SLC14A2: variants seen among roughly 807,000 people sequenced by gnomAD.
SLC14A2 encodes urea transporter 2.
SLC14A2 carries 91 observed loss-of-function variants against 104.6 expected under a neutral mutation model. The ratio of observed to expected loss-of-function variants is 0.87; its 90% CI spans 0.73 to 1.04. The LOEUF (loss-of-function observed/expected upper bound fraction) is 1.04. SLC14A2 is among the 50% of genes least tolerant of loss of function. SLC14A2 has a pLI of 0.00. For synonymous variants in SLC14A2, 476 were observed against 466.4 expected (o/e 1.02, Z -0.27); for missense variants, 1,189 against 1,156.0 (o/e 1.03, Z -0.41).
At chr18:45,513,226 C>T (rs1393146505) in intron 2 of SLC14A2, among the ~76,000 whole-genome samples, 2 of 152,190 alleles carry the variant, frequency 1.3e-5, no homozygotes. Flanking sequence ...CCAGATTTTA[C>T]TTCTAACTGT....
At chr18:45,237,181 C>T (rs183817361) in intron 1 of SLC14A2, among the ~76,000 whole-genome samples, 15 of 152,194 alleles carry the variant, frequency 9.9e-5, no homozygotes, top group South Asian at 2.1e-4. Flanking sequence ...AACTGGGGCT[C>T]GCCAATAAAC....
At chr18:45,519,199 C>T (rs2043482724) in intron 2 of SLC14A2, among the ~76,000 whole-genome samples, 1 of 152,116 alleles carries the variant, frequency 6.6e-6, no homozygotes, top group South Asian at 2.1e-4. Flanking sequence ...GAGTTATATC[C>T]TTAGGGAAGC....
the SLC14A2 span, among the ~76,000 whole-genome samples, chr18:45,185,930 C>T: frequency 5.9e-5 from 9 of 152,000 alleles, no homozygotes; most frequent in Non-Finnish European, 1.3e-4. Flanking sequence ...GAAAATAAGA[C>T]CAATACAAAG....
chr18:45,567,188 A>G (rs906602312), intron 2 of SLC14A2, among the ~76,000 whole-genome samples: 2 of 151,922 alleles, frequency 1.3e-5, no homozygotes, highest in African/African-American at 4.8e-5. Context: ...TCTGTTTACC[A>G]TTGAAGAGAC....
At chr18:45,469,522 A>G (rs1038082204) in intron 1 of SLC14A2, among the ~76,000 whole-genome samples, 3 of 152,152 alleles carry the variant, frequency 2.0e-5, no homozygotes, top group Admixed American at 2.0e-4. Context: ...CTTTGTACCT[A>G]ATTACGTGTG....
At chr18:45,466,427 G>A (rs2087143685) in intron 1 of SLC14A2, among the ~76,000 whole-genome samples, 1 of 151,736 alleles carries the variant, frequency 6.6e-6, no homozygotes, top group African/African-American at 2.4e-5. Context: ...GAAGGCTGAA[G>A]AATGTGCTAG....
chr18:45,631,301 A>G (rs2045341713), intron 4 of SLC14A2, among the ~76,000 whole-genome samples: 1 of 152,236 alleles, frequency 6.6e-6, no homozygotes, highest in Admixed American at 6.5e-5. Context: ...ACTGACCACA[A>G]GCACACACAG....
intron 1 of SLC14A2, among the ~76,000 whole-genome samples, chr18:45,468,209 G>C (rs2087179712): frequency 6.6e-6 from 1 of 152,128 alleles, no homozygotes; most frequent in Non-Finnish European, 1.5e-5. Flanking sequence ...TCCAGGGGCT[G>C]GTGGGGCTAA....
chr18:45,494,588 G>A (rs1404730679), intron 2 of SLC14A2, among the ~76,000 whole-genome samples: 7 of 151,390 alleles, frequency 4.6e-5, no homozygotes, highest in Non-Finnish European at 8.8e-5. Context: ...TTTAAATAGC[G>A]ACAGGGTCTC....
At chr18:45,387,967 T>C (rs77775601) in intron 1 of SLC14A2, among the ~76,000 whole-genome samples, 1,968 of 151,940 alleles carry the variant, frequency 0.013, 26 homozygotes, top group Non-Finnish European at 0.022. Context: ...GGTCAGGTTA[T>C]GTGCAAAGGA....
intron 9 of SLC14A2, 82 bp downstream of exon 9, chr18:45,643,263 A>G (rs1487731294): frequency 8.1e-7 from 1 of 1,230,072 alleles, no homozygotes. Flanking sequence ...GGTCTGGGAA[A>G]GGAACATTGA....
chr18:45,200,636 T>C, the SLC14A2 span, among the ~76,000 whole-genome samples: 1 of 152,150 alleles, frequency 6.6e-6, no homozygotes. Context: ...TTACTTTGGG[T>C]AAACTCACAG....
chr18:45,319,641 C>T (rs549317199), intron 1 of SLC14A2, among the ~76,000 whole-genome samples: 2 of 152,324 alleles, frequency 1.3e-5, no homozygotes, highest in South Asian at 4.1e-4. Context: ...CTTCTGAAGA[C>T]CAATTAGGTT....
At chr18:45,317,496 G>A (rs1445918108) in intron 1 of SLC14A2, among the ~76,000 whole-genome samples, 2 of 152,138 alleles carry the variant, frequency 1.3e-5, no homozygotes, top group Non-Finnish European at 2.9e-5. Context: ...CCATGAGAGA[G>A]AATAACAGGA....
rs571234264 is a variant in SLC14A2 at position 45,382,927 on chromosome 18, G to A, written c.-124-100306G>A. The stretch of plus-strand genomic sequence containing the variant: ...AACAATAGTAAGTAGTTTTAATCTC[G>A]AAGAAAAGCTCTATTTGGTTGATAT... On this transcript the variant is annotated intron_variant, in intron 1 of 20. Coordinates refer to the SLC14A2 transcript ENST00000586448. 2.6e-5 allele frequency among the ~76,000 whole-genome samples: 4 copies of A among 152,240 alleles called. No individual in the cohort carries two copies. In the East Asian group the frequency reaches 5.8e-4, roughly 22 times the overall value.
At chr18:45,184,960 A>G in the SLC14A2 span, among the ~76,000 whole-genome samples, 1 of 152,172 alleles carries the variant, frequency 6.6e-6, no homozygotes, top group Non-Finnish European at 1.5e-5. Context: ...CATCTGCACA[A>G]CTTCTTAGCT....
intron 1 of SLC14A2, among the ~76,000 whole-genome samples, chr18:45,266,487 A>T (rs1171227786): frequency 6.6e-6 from 1 of 152,060 alleles, no homozygotes; most frequent in East Asian, 1.9e-4. Context: ...ATCGAGACAG[A>T]GTTAACTACA....
chr18:45,255,633 C>T (rs1164623305), intron 1 of SLC14A2, among the ~76,000 whole-genome samples: 2 of 152,308 alleles, frequency 1.3e-5, no homozygotes, highest in East Asian at 1.9e-4. Flanking sequence ...CTCAGGACCA[C>T]ATGTTTATTT....
intron 1 of SLC14A2, among the ~76,000 whole-genome samples, chr18:45,276,858 C>A (rs2144132255): frequency 6.6e-6 from 1 of 152,318 alleles, no homozygotes; most frequent in East Asian, 1.9e-4. Context: ...TCCACTGTAG[C>A]CCTGGCTGCT....
Sources: allele counts gnomAD v4.1 joint callset (sites outside exome capture counted in the v4.1 genomes callset), GRCh38; gene constraint gnomAD v4.1.1; transcripts MANE v1.5; gene names NCBI Gene and HGNC (gene_info 2026-07-23, HGNC 2026-07-21).